The following RASGRP3 variants were observed in gnomAD, a reference collection of about 807,000 sequenced individuals.
RASGRP3 encodes the protein ras guanyl-releasing protein 3.
Under a neutral mutation model 82.7 loss-of-function variants are expected in RASGRP3, and 54 were observed. That is an observed-to-expected ratio of 0.65 (90% CI 0.52 to 0.82). RASGRP3 has a LOEUF of 0.82. Ranked by LOEUF, RASGRP3 falls within the 40% of genes least tolerant of loss-of-function variation. The pLI, the probability that RASGRP3 is intolerant of heterozygous loss-of-function variation, is 0.00. For synonymous variants in RASGRP3, 309 were observed against 300.5 expected (o/e 1.03, Z -0.29); for missense variants, 861 against 828.9 (o/e 1.04, Z -0.48).
intron 10 of RASGRP3, among the ~76,000 whole-genome samples, chr2:33,528,951 C>T (rs1672836047): frequency 6.6e-6 from 1 of 152,240 alleles, no homozygotes; most frequent in Non-Finnish European, 1.5e-5. Context: ...CCCAGTCAGA[C>T]TGCAGACCTA....
At chr2:33,463,114 C>G (rs984519760) in intron 2 of RASGRP3, among the ~76,000 whole-genome samples, 4 of 152,126 alleles carry the variant, frequency 2.6e-5, no homozygotes, top group African/African-American at 9.7e-5. Context: ...AACTTGCTGT[C>G]AAATCAAATA....
chr2:33,552,852 G>A (rs1484793161), intron 14 of RASGRP3, among the ~76,000 whole-genome samples: 1 of 152,168 alleles, frequency 6.6e-6, no homozygotes, highest in Non-Finnish European at 1.5e-5. Context: ...CAGGTCTCCT[G>A]ACTCTCAGTC....
At chr2:33,551,661 A>C (rs1574488724) in intron 14 of RASGRP3, among the ~76,000 whole-genome samples, 1 of 151,856 alleles carries the variant, frequency 6.6e-6, no homozygotes, top group South Asian at 2.1e-4. Flanking sequence ...ATATAAAGAG[A>C]CACCTGCCAC....
chr2:33,513,039 C>CT (rs1671087101), intron 2 of RASGRP3, among the ~76,000 whole-genome samples: 1 of 152,142 alleles, frequency 6.6e-6, no homozygotes, highest in South Asian at 2.1e-4. Context: ...CAGGAAAGGC[C>CT]TTACAGATAA....
At chr2:33,482,734 C>A (rs1668046208) in intron 1 of RASGRP3, 2 of 152,104 alleles carry the variant, frequency 1.3e-5, no homozygotes, top group South Asian at 4.2e-4. Flanking sequence ...CAGAATGTTG[C>A]CAAGATCATA....
intron 1 of RASGRP3, among the ~76,000 whole-genome samples, chr2:33,440,369 A>C (rs1452180362): frequency 6.6e-6 from 1 of 152,248 alleles, no homozygotes; most frequent in Non-Finnish European, 1.5e-5. Flanking sequence ...AGAGAGATTA[A>C]GTAACATGTC....
Position 33,558,667 on chromosome 2 carries a change from TCCAGC to T in RASGRP3, c.1706-4_1706del. ...CAAATAATCACCACCCTTTTTCACTTCCAGCGCAGGATGAGGTGTTTGAGTTCCCT... is the reference window on the plus strand; with the variant it reads ...CAAATAATCACCACCCTTTTTCACTTGCAGGATGAGGTGTTTGAGTTCCCT... On this transcript the variant is annotated splice_acceptor_variant and splice_polypyrimidine_tract_variant and coding_sequence_variant and intron_variant, in exon 17 of 18. Transcript: ENST00000403687. LOFTEE classifies it high-confidence loss of function. The T allele has an allele frequency of 6.3e-7, 1 of 1,584,872 alleles. No homozygotes were observed. The highest frequency in any genetic ancestry group is 1.8e-5 in the Admixed American group (1 of 55,434).
chr2:33,540,563 TG>T (rs1168193415), intron 12 of RASGRP3, among the ~76,000 whole-genome samples: 20 of 27,388 alleles, frequency 7.3e-4, no homozygotes, highest in South Asian at 2.8e-3. Context: ...GTTTTGTGTG[TG>T]TGTGTGTGTG....
intron 1 of RASGRP3, among the ~76,000 whole-genome samples, chr2:33,500,423 C>CG (rs1574351556): frequency 6.6e-6 from 1 of 151,886 alleles, no homozygotes; most frequent in East Asian, 1.9e-4. Flanking sequence ...CCAGGGGATA[C>CG]GGGATGACAG....
At chr2:33,489,602 A>T (rs77516470) in intron 1 of RASGRP3, among the ~76,000 whole-genome samples, 1 of 152,064 alleles carries the variant, frequency 6.6e-6, no homozygotes, top group Admixed American at 6.5e-5. Context: ...ATCTGGCTCT[A>T]TTGCCCAGGC....
chr2:33,463,286 A>G (rs1329547397), intron 2 of RASGRP3, among the ~76,000 whole-genome samples: 1 of 152,236 alleles, frequency 6.6e-6, no homozygotes, highest in Non-Finnish European at 1.5e-5. Context: ...AGATGGACAG[A>G]GAATGTTAAG....
At chr2:33,455,583 T>C (rs1000460382) in intron 2 of RASGRP3, among the ~76,000 whole-genome samples, 3 of 152,248 alleles carry the variant, frequency 2.0e-5, no homozygotes, top group East Asian at 1.9e-4. Flanking sequence ...GTAAAATCGA[T>C]GGAGACTGGG....
intron 1 of RASGRP3, among the ~76,000 whole-genome samples, chr2:33,498,376 G>A (rs1416448287): frequency 6.6e-6 from 1 of 152,182 alleles, no homozygotes; most frequent in African/African-American, 2.4e-5. Flanking sequence ...TTTGATCCCA[G>A]TGGTCTGGCT....
chr2:33,464,353 C>T (rs755951561), intron 2 of RASGRP3, among the ~76,000 whole-genome samples: 1 of 151,280 alleles, frequency 6.6e-6, no homozygotes, highest in Non-Finnish European at 1.5e-5. Flanking sequence ...CTCCTGAGCT[C>T]AGGCAATCTA....
intron 7 of RASGRP3, among the ~76,000 whole-genome samples, chr2:33,523,581 G>C (rs547233584): frequency 6.6e-6 from 1 of 152,158 alleles, no homozygotes; most frequent in Admixed American, 6.5e-5. Context: ...TTATCACCTA[G>C]TAAATTTTGA....
chr2:33,468,843 T>C (rs759536448), intron 2 of RASGRP3, among the ~76,000 whole-genome samples: 1 of 152,222 alleles, frequency 6.6e-6, no homozygotes, highest in Non-Finnish European at 1.5e-5. Context: ...ACATATGCAA[T>C]CCATATTCTT....
At chr2:33,490,374 C>T (rs978668483) in intron 1 of RASGRP3, among the ~76,000 whole-genome samples, 2 of 152,248 alleles carry the variant, frequency 1.3e-5, no homozygotes, top group African/African-American at 4.8e-5. Context: ...TCACACCAAA[C>T]TAGCCTCTGC....
At position 33,512,752 on chromosome 2, in the gene RASGRP3, C is replaced by T. The variant is rs182163060; in HGVS notation, c.-128+910C>T. On this transcript the variant is annotated intron_variant, in intron 2 of 17. Transcript: ENST00000403687. Reference sequence around the variant, plus strand: ...TCATTTCCTCACCCATTAATCCACTCGTTTATTAATTTAGTGAATAATTTT... The same window carrying T: ...TCATTTCCTCACCCATTAATCCACTTGTTTATTAATTTAGTGAATAATTTT... Among the ~76,000 whole-genome samples, 221 of 152,270 alleles carry T rather than the reference C, an allele frequency of 1.5e-3. 2 individuals are homozygous for T. Among genetic ancestry groups the T allele is most frequent in the Non-Finnish European group, 2.1e-3 (142 of 68,026 alleles).
chr2:33,461,062 A>T (rs1239528355), intron 2 of RASGRP3, among the ~76,000 whole-genome samples: 1 of 152,176 alleles, frequency 6.6e-6, no homozygotes, highest in Non-Finnish European at 1.5e-5. Context: ...AACCAAGAAG[A>T]TTTATTGAGC....
Sources: gnomAD v4.1 joint callset for allele counts (sites outside exome capture counted in the v4.1 genomes callset) on GRCh38, gnomAD v4.1.1 for gene constraint, MANE v1.5 for transcripts, NCBI Gene and HGNC (gene_info 2026-07-23, HGNC 2026-07-21) for gene names.